TRAF2: variants seen among roughly 807,000 people sequenced by gnomAD.
TRAF2 encodes the protein TNF receptor associated factor 2.
Under a neutral mutation model 55.6 loss-of-function variants are expected in TRAF2, and 6 were observed. That is an observed-to-expected ratio of 0.11 (90% CI 0.06 to 0.21). The LOEUF (loss-of-function observed/expected upper bound fraction) is 0.21, where lower values mean the gene tolerates loss of function less well. TRAF2 is among the 10% of genes least tolerant of loss of function. The probability of loss-of-function intolerance (pLI) is 1.00; values close to 1 mark genes in which losing one functional copy is unlikely to be tolerated. For missense variants in TRAF2, 561 were observed against 684.5 expected (o/e 0.82, Z 2.01); for synonymous variants, 329 against 276.3 (o/e 1.19, Z -1.89).
intron 1 of TRAF2, among the ~76,000 whole-genome samples, chr9:136,890,846 C>T (rs1849567263): frequency 6.6e-6 from 1 of 152,214 alleles, no homozygotes; most frequent in South Asian, 2.1e-4. Flanking sequence ...CCCCGACCTT[C>T]CAGCCGTGTC....
At chr9:136,883,962 G>C (rs775557059), upstream of TRAF2, among the ~76,000 whole-genome samples, 1 of 149,730 alleles carries the variant, frequency 6.7e-6, no homozygotes, top group Non-Finnish European at 1.5e-5. Flanking sequence ...GTAGCTGTGA[G>C]TACAGGCGCG....
chr9:136,889,325 C>G (rs1161279701), intron 1 of TRAF2, among the ~76,000 whole-genome samples: 19 of 151,286 alleles, frequency 1.3e-4, no homozygotes, highest in Middle Eastern at 3.5e-3. Context: ...CTCTTGTTGC[C>G]CAGGCTGGAG....
At chr9:136,890,952 C>G (rs1048385148) in intron 1 of TRAF2, among the ~76,000 whole-genome samples, 11 of 152,188 alleles carry the variant, frequency 7.2e-5, no homozygotes, top group African/African-American at 2.7e-4. Flanking sequence ...CTCACTGCAG[C>G]CTCCTCCTCC....
chr9:136,914,112 C>T (rs557902089), intron 6 of TRAF2, among the ~76,000 whole-genome samples: 1 of 152,250 alleles, frequency 6.6e-6, no homozygotes, highest in East Asian at 1.9e-4. Context: ...TTTAGTGTTT[C>T]CTGGGGGCCT....
At chr9:136,913,295 A>ATTTTTTTTTTTTTTTTTT (rs369765173) in intron 6 of TRAF2, among the ~76,000 whole-genome samples, 1 of 87,068 alleles carries the variant, frequency 1.1e-5, no homozygotes, top group Non-Finnish European at 2.0e-5. Context: ...TTATAAAGGA[A>ATTTTTTTTTTTTTTTTTT]TTTTTTTTTT....
At position 136,890,179 on chromosome 9, in the gene TRAF2, C is replaced by T. The variant is rs553109528; in HGVS notation, c.-29+3638C>T. On this transcript the variant is annotated intron_variant, in intron 1 of 10. Transcript: ENST00000247668. ...TGTGTGAGAGTCCCCACCGCACGCTCGTTCAGTCGGTCACCGCATGTGTGA... is the reference window on the plus strand; with the variant it reads ...TGTGTGAGAGTCCCCACCGCACGCTTGTTCAGTCGGTCACCGCATGTGTGA... 3.8e-4 allele frequency among the ~76,000 whole-genome samples: 56 copies of T among 146,126 alleles called. 1 individual carries two copies. The highest frequency in any genetic ancestry group is 2.0e-3 in the Admixed American group (30 of 14,744).
At chr9:136,904,135 C>T (rs1849890700) in intron 4 of TRAF2, among the ~76,000 whole-genome samples, 1 of 152,264 alleles carries the variant, frequency 6.6e-6, no homozygotes, top group Admixed American at 6.5e-5. Flanking sequence ...ACCCCCCACA[C>T]ACATTTTTTT....
intron 1 of TRAF2, among the ~76,000 whole-genome samples, chr9:136,893,809 G>A (rs1276873896): frequency 1.3e-5 from 2 of 152,106 alleles, no homozygotes; most frequent in East Asian, 3.8e-4. Flanking sequence ...GAGTGCAGTG[G>A]TGCAATATCG....
chr9:136,905,034 C>T (rs1442599123), intron 4 of TRAF2, among the ~76,000 whole-genome samples: 5 of 152,194 alleles, frequency 3.3e-5, no homozygotes, highest in Non-Finnish European at 7.4e-5. Flanking sequence ...GGAACACTCC[C>T]TGGGGAGGTT....
chr9:136,914,966 G>GC (rs1564417699), intron 6 of TRAF2, among the ~76,000 whole-genome samples: 1 of 150,976 alleles, frequency 6.6e-6, no homozygotes, highest in Non-Finnish European at 1.5e-5. Context: ...GATCACCTGA[G>GC]CTCAGGAGTT....
At position 136,926,417 on chromosome 9, in the gene TRAF2, C is replaced by T. The variant is rs977250646; in HGVS notation, c.*516C>T. 1 of 302,652 alleles carries T rather than the reference C, an allele frequency of 3.3e-6. No homozygotes were observed. The highest frequency in any genetic ancestry group is 3.1e-5 in the South Asian group (1 of 32,736). The allele number at this position is 302,652 out of a possible 1,614,324, so 18.7% of individuals were successfully genotyped here. On this transcript the variant is annotated 3_prime_UTR_variant, in exon 11 of 11. Transcript: ENST00000247668. ...CTGGAGAGAAGGGAGCATTCCTAGACCCCTGGGTGCTTGTCTGCACAGAGC... is the reference window on the plus strand; with the variant it reads ...CTGGAGAGAAGGGAGCATTCCTAGATCCCTGGGTGCTTGTCTGCACAGAGC...
chr9:136,916,480 T>C, intron 6 of TRAF2, 61 bp from the exon 7 acceptor site: 1 of 1,548,382 alleles, frequency 6.5e-7, no homozygotes, highest in South Asian at 1.1e-5. Flanking sequence ...GTGGTCCATG[T>C]GGAAGTGCTG....
At chr9:136,886,467 A>AGCGGCGGCGGCG (rs758131750), upstream of TRAF2, 1 of 1,002,672 alleles carries the variant, frequency 1.0e-6, no homozygotes, top group South Asian at 4.2e-5. Flanking sequence ...CACGCGGCGG[A>AGCGGCGGCGGCG]GCGGCGGCGG....
Position 136,925,950 on chromosome 9 carries a change from C to T in TRAF2, c.*49C>T. On this transcript the variant is annotated 3_prime_UTR_variant, in exon 11 of 11. Transcript: ENST00000247668. ...GTTGGGGGCAGCCAGGCACAGCCGG[C>T]TCACGGAGGGGCCACCACGCTGGGC... 1.2e-6 allele frequency: 2 copies of T among 1,605,598 alleles called. No homozygotes were observed. Among genetic ancestry groups the T allele is most frequent in the Non-Finnish European group, 1.7e-6 (2 of 1,174,472 alleles).
chr9:136,902,646 GC>G (rs971293136), intron 4 of TRAF2, among the ~76,000 whole-genome samples: 5 of 152,196 alleles, frequency 3.3e-5, no homozygotes, highest in Non-Finnish European at 7.3e-5. Context: ...GGAGGGGCGG[GC>G]ACTGCTCTGG....
At chr9:136,886,748 C>T in intron 1 of TRAF2, 1 of 272,820 alleles carries the variant, frequency 3.7e-6, no homozygotes, top group Non-Finnish European at 5.6e-6. Context: ...CAAGTCCGAG[C>T]GTGGCTGGCG....
chr9:136,906,532 C>T (rs1849957213), intron 4 of TRAF2, among the ~76,000 whole-genome samples: 1 of 152,002 alleles, frequency 6.6e-6, no homozygotes, highest in Non-Finnish European at 1.5e-5. Context: ...TCAATGACCT[C>T]CCACCAGGCC....
intron 6 of TRAF2, among the ~76,000 whole-genome samples, chr9:136,910,581 G>A (rs1850079836): frequency 6.6e-6 from 1 of 152,244 alleles, no homozygotes. Context: ...TGTTGGAGGT[G>A]TGAGGGTAGC....
intron 1 of TRAF2, among the ~76,000 whole-genome samples, chr9:136,895,668 A>G (rs939973623): frequency 6.6e-6 from 1 of 152,178 alleles, no homozygotes; most frequent in African/African-American, 2.4e-5. Context: ...CCTGGCCAAC[A>G]TGGTGAAACC....
Sources: gnomAD v4.1 joint callset for allele counts (sites outside exome capture counted in the v4.1 genomes callset) on GRCh38, gnomAD v4.1.1 for gene constraint, MANE v1.5 for transcripts, NCBI Gene and HGNC (gene_info 2026-07-23, HGNC 2026-07-21) for gene names.